The following PARD3B variants were observed in gnomAD, a reference collection of about 807,000 sequenced individuals.
PARD3B encodes par-3 family cell polarity regulator beta.
Under a neutral mutation model 130.2 loss-of-function variants are expected in PARD3B, and 103 were observed. The observed-to-expected ratio is 0.79, with a 90% CI of 0.67 to 0.93. The LOEUF (loss-of-function observed/expected upper bound fraction) is 0.93, where lower values mean the gene tolerates loss of function less well. PARD3B is among the 40% of genes least tolerant of loss of function. PARD3B has a pLI of 0.00. For missense variants in PARD3B, 1,609 were observed against 1,499.2 expected, an observed-to-expected ratio of 1.07 and a Z score of -1.21; for synonymous variants, 583 against 553.2, an observed-to-expected ratio of 1.05 and a Z score of -0.76.
At chr2:205,496,272 G>A (rs1282813482) in intron 20 of PARD3B, among the ~76,000 whole-genome samples, 1 of 152,142 alleles carries the variant, frequency 6.6e-6, no homozygotes, top group Non-Finnish European at 1.5e-5. Context: ...GTAAGCATAT[G>A]TGTATTATCT....
chr2:204,704,475 C>G (rs747253756), intron 2 of PARD3B, among the ~76,000 whole-genome samples: 3 of 152,060 alleles, frequency 2.0e-5, no homozygotes, highest in Admixed American at 2.0e-4. Flanking sequence ...CAAATATAAA[C>G]AATCTTCATA....
intron 2 of PARD3B, among the ~76,000 whole-genome samples, chr2:204,791,367 A>G (rs1325931640): frequency 2.0e-5 from 3 of 152,194 alleles, no homozygotes. Context: ...TCTTAGCCAT[A>G]TTATATCATT....
At chr2:204,741,870 A>T (rs1180977505) in intron 2 of PARD3B, among the ~76,000 whole-genome samples, 1 of 152,000 alleles carries the variant, frequency 6.6e-6, no homozygotes, top group East Asian at 1.9e-4. Context: ...TTTTTTCTTA[A>T]AGGATTCAGC....
At position 205,268,634 on chromosome 2, in the gene PARD3B, A is replaced by C. The variant is rs2040604937; in HGVS notation, c.2185+22812A>C. Among the ~76,000 whole-genome samples, 1 of 152,224 alleles carries C rather than the reference A, an allele frequency of 6.6e-6. No homozygotes were observed. The highest frequency in any genetic ancestry group is 2.4e-5 in the African/African-American group (1 of 41,456). The stretch of plus-strand genomic sequence containing the variant: ...ATTTGCAGATAAAAAGTAAAAATAC[A>C]GGTCTGGAAGTGGTATATTTAAAAT... On this transcript the variant is annotated intron_variant, in intron 16 of 22. Coordinates refer to ENST00000406610, the MANE Select transcript of PARD3B (RefSeq NM_001302769.2). This position sits in a 1 kb window ranked among gnomAD's most constrained non-coding sequence, Gnocchi z 4.1.
chr2:204,569,205 AT>A (rs759580039), intron 1 of PARD3B, among the ~76,000 whole-genome samples: 3 of 152,200 alleles, frequency 2.0e-5, no homozygotes, highest in Non-Finnish European at 4.4e-5. Flanking sequence ...CTTGAAAAGA[AT>A]TGCTCTAAAT....
chr2:205,294,915 G>A (rs1182729838), intron 16 of PARD3B, among the ~76,000 whole-genome samples: 1 of 152,126 alleles, frequency 6.6e-6, no homozygotes, highest in African/African-American at 2.4e-5. Context: ...TTGGAACACT[G>A]TGATAGGCAA....
chr2:204,900,619 T>C (rs1165852813), intron 2 of PARD3B, among the ~76,000 whole-genome samples: 1 of 152,240 alleles, frequency 6.6e-6, no homozygotes, highest in Admixed American at 6.5e-5. Context: ...GGGATTTGTC[T>C]TTGGTGCCTT....
chr2:204,756,532 G>A (rs564851408), intron 2 of PARD3B, among the ~76,000 whole-genome samples: 1 of 152,052 alleles, frequency 6.6e-6, no homozygotes, highest in Non-Finnish European at 1.5e-5. Flanking sequence ...ATTTCTTTAC[G>A]TTGAAGGAAA....
intron 1 of PARD3B, among the ~76,000 whole-genome samples, chr2:204,590,930 T>C (rs2033046639): frequency 6.6e-6 from 1 of 152,200 alleles, no homozygotes; most frequent in Admixed American, 6.6e-5. Context: ...GTTTTAAAGA[T>C]AGGCAGTGAG....
intron 18 of PARD3B, among the ~76,000 whole-genome samples, chr2:205,345,386 G>A (rs1559684789): frequency 1.3e-5 from 2 of 152,050 alleles, no homozygotes; most frequent in Non-Finnish European, 2.9e-5. Context: ...TCTTTCTTCT[G>A]GGTATAGGAG....
At chr2:204,789,769 CAT>C (rs1259750259) in intron 2 of PARD3B, among the ~76,000 whole-genome samples, 2 of 152,080 alleles carry the variant, frequency 1.3e-5, no homozygotes, top group African/African-American at 2.4e-5. Flanking sequence ...TATCATTACA[CAT>C]GTTATTTCAT....
intron 2 of PARD3B, among the ~76,000 whole-genome samples, chr2:204,832,501 C>T (rs1237966315): frequency 1.3e-5 from 2 of 152,142 alleles, no homozygotes; most frequent in African/African-American, 4.8e-5. Context: ...CACTGTGAGA[C>T]AGTGAACATG....
rs558826495 is a variant in PARD3B, at chr2:204,596,561, G to GAT, written c.120+50443_120+50444insTA. On this transcript the variant is annotated intron_variant, in intron 1 of 22. Coordinates refer to ENST00000406610, the MANE Select transcript of PARD3B (RefSeq NM_001302769.2). ...TTGTTTACCTTGTAGAAAAGTATATGAAGTGTTGGTTTGGAAAAAGCAAAC... is the reference window on the plus strand; with the variant it reads ...TTGTTTACCTTGTAGAAAAGTATATGATAAGTGTTGGTTTGGAAAAAGCAAAC... Among the ~76,000 whole-genome samples the GAT allele has an allele frequency of 1.0e-3, 154 of 152,256 alleles. 3 individuals are homozygous for GAT. The highest frequency in any genetic ancestry group is 3.5e-3 in the African/African-American group (147 of 41,550).
At chr2:205,538,855 T>C (rs916721396) in intron 21 of PARD3B, among the ~76,000 whole-genome samples, 1 of 152,232 alleles carries the variant, frequency 6.6e-6, no homozygotes, top group African/African-American at 2.4e-5. Flanking sequence ...TAAGAATGAA[T>C]ATTTACTGAC....
chr2:205,587,584 TTC>T (rs1292658803), intron 22 of PARD3B, among the ~76,000 whole-genome samples: 1 of 152,204 alleles, frequency 6.6e-6, no homozygotes, highest in Non-Finnish European at 1.5e-5. Context: ...TGACCTTACC[TTC>T]TCTCTGTGGC....
intron 1 of PARD3B, among the ~76,000 whole-genome samples, chr2:204,679,867 A>T (rs189572229): frequency 3.3e-5 from 5 of 152,136 alleles, no homozygotes; most frequent in Non-Finnish European, 4.4e-5. Flanking sequence ...TGACTTTTAA[A>T]TAACTCTTGC....
intron 1 of PARD3B, among the ~76,000 whole-genome samples, chr2:204,569,318 T>A (rs947746212): frequency 6.6e-6 from 1 of 152,260 alleles, no homozygotes; most frequent in African/African-American, 2.4e-5. Flanking sequence ...TTTACTTAGA[T>A]TTAGATGCTA....
chr2:205,561,940 C>T (rs2053152124), intron 22 of PARD3B, among the ~76,000 whole-genome samples: 1 of 152,170 alleles, frequency 6.6e-6, no homozygotes, highest in Non-Finnish European at 1.5e-5. Flanking sequence ...TTCCCCTTCC[C>T]AGTAGGATCA....
chr2:205,238,888 A>ATATATATATATATATATGTATGTG (rs1559575132), intron 15 of PARD3B, among the ~76,000 whole-genome samples: 207 of 69,308 alleles, frequency 3.0e-3, no homozygotes, highest in African/African-American at 0.014. Flanking sequence ...GTATGTGTGT[A>ATATATATATATATATATGTATGTG]TATATATATA....
Sources: gnomAD v4.1 joint callset for allele counts (sites outside exome capture counted in the v4.1 genomes callset) on GRCh38, gnomAD v4.1.1 for gene constraint, Gnocchi (gnomAD v3.1) non-coding constraint, MANE v1.5 for transcripts, NCBI Gene and HGNC (gene_info 2026-07-23, HGNC 2026-07-21) for gene names.